The following STOML3 variants were observed in gnomAD, a reference collection of about 807,000 sequenced individuals.
STOML3 encodes stomatin like 3, also known as stomatin-like protein 3.
STOML3 carries 31 observed loss-of-function variants against 29.5 expected under a neutral mutation model. That is an observed-to-expected ratio of 1.05 (90% CI 0.79 to 1.42). The LOEUF (loss-of-function observed/expected upper bound fraction) is 1.42. Ranked by LOEUF, STOML3 falls within the 40% of genes most tolerant of loss-of-function variation. The pLI, the probability that STOML3 is intolerant of heterozygous loss-of-function variation, is 0.00. For synonymous variants in STOML3, 122 were observed against 139.8 expected (o/e 0.87, Z 0.90); for missense variants, 380 against 363.0 (o/e 1.05, Z -0.38).
chr13:38,974,520 G>A (rs1881000722), intron 3 of STOML3, among the ~76,000 whole-genome samples: 1 of 152,098 alleles, frequency 6.6e-6, no homozygotes, highest in African/African-American at 2.4e-5. Context: ...ATATATATAA[G>A]CTGGTAGTGA....
intron 1 of STOML3, among the ~76,000 whole-genome samples, chr13:38,978,829 C>T (rs998544295): frequency 6.6e-6 from 1 of 152,088 alleles, no homozygotes; most frequent in Non-Finnish European, 1.5e-5. Context: ...CTCTTATAAG[C>T]GATGTTTTGA....
At chr13:38,989,003 T>C (rs1054010948) in intron 1 of STOML3, among the ~76,000 whole-genome samples, 2 of 146,546 alleles carry the variant, frequency 1.4e-5, no homozygotes, top group East Asian at 3.9e-4. Context: ...ATATCATACA[T>C]TATATACTAT....
chr13:38,987,399 C>T (rs2138027817), intron 1 of STOML3, among the ~76,000 whole-genome samples: 1 of 152,070 alleles, frequency 6.6e-6, no homozygotes, highest in East Asian at 1.9e-4. Flanking sequence ...TGGCGCATGC[C>T]TGTAGTCCCA....
chr13:38,976,936 T>C (rs754729155), intron 1 of STOML3, 139 bp from the exon 2 acceptor site: 1 of 678,950 alleles, frequency 1.5e-6, no homozygotes, highest in Non-Finnish European at 2.7e-6. Flanking sequence ...ATTTACACCA[T>C]GGATGTAGTC....
Position 38,966,505 on chromosome 13 carries a change from A to C in STOML3, c.*320T>G, listed in dbSNP as rs1002884275. 1 of 202,142 alleles carries C rather than the reference A, an allele frequency of 4.9e-6. No homozygotes were observed. The highest frequency in any genetic ancestry group is 2.3e-5 in the African/African-American group (1 of 43,286). 12.5% of individuals were successfully genotyped at this position (202,142 alleles called of 1,614,324 possible). ...AACAATTAAAAAGTAATTCTGAAAC[A>C]TTAGTCATAGTCACCCAATGATTTC... On this transcript the variant is annotated 3_prime_UTR_variant, in exon 7 of 7. Transcript: ENST00000379631.
At position 38,967,059 on chromosome 13, in the gene STOML3, C is replaced by G; in HGVS notation, c.652-10G>C. ...CTTCAGCTGCAAGGACCTGAAATGA[C>G]AGAAATAAAATCGTTCAGAAATAAA... On this transcript the variant is annotated splice_polypyrimidine_tract_variant and intron_variant, in intron 6 of 6. Transcript: ENST00000379631. The G allele has an allele frequency of 6.2e-7, 1 of 1,610,534 alleles. No homozygotes were observed. The highest frequency in any genetic ancestry group is 8.5e-7 in the Non-Finnish European group (1 of 1,178,202).
At chr13:38,987,462 A>G (rs2138027888) in intron 1 of STOML3, among the ~76,000 whole-genome samples, 1 of 151,974 alleles carries the variant, frequency 6.6e-6, no homozygotes, top group South Asian at 2.1e-4. Context: ...ACTCCACTCT[A>G]GCCTGGGCGA....
At chr13:38,972,045 T>C (rs1004131661) in intron 4 of STOML3, among the ~76,000 whole-genome samples, 1 of 152,184 alleles carries the variant, frequency 6.6e-6, no homozygotes, top group Non-Finnish European at 1.5e-5. Flanking sequence ...AACACAGAAA[T>C]AATTTAAAGT....
intron 4 of STOML3, among the ~76,000 whole-genome samples, chr13:38,970,838 T>C (rs1880837568): frequency 6.6e-6 from 1 of 152,180 alleles, no homozygotes; most frequent in African/African-American, 2.4e-5. Flanking sequence ...AGAGACCATG[T>C]AAAGAAAAAT....
At chr13:38,986,343 C>T (rs903980379) in intron 1 of STOML3, among the ~76,000 whole-genome samples, 10 of 151,894 alleles carry the variant, frequency 6.6e-5, no homozygotes, top group Admixed American at 5.9e-4. Context: ...CCTATATTTA[C>T]CATTTTTAAA....
In STOML3 at chr13:38,966,713, T is replaced by G; in HGVS notation, c.*112A>C. The G allele has an allele frequency of 2.2e-6, 2 of 906,108 alleles. No individual in the cohort carries two copies. Among genetic ancestry groups the G allele is most frequent in the Non-Finnish European group, 3.5e-6 (2 of 576,822 alleles). The allele number at this position is 906,108 out of a possible 1,614,324, so 56.1% of individuals were successfully genotyped here. Reference sequence around the variant, plus strand: ...TTTCCTGCCAATGCTCTTCCATCTATGGAGTTACTGTTACATGAACAGTGT... The same window carrying G: ...TTTCCTGCCAATGCTCTTCCATCTAGGGAGTTACTGTTACATGAACAGTGT... On this transcript the variant is annotated 3_prime_UTR_variant, in exon 7 of 7. Coordinates refer to ENST00000379631, the MANE Select transcript of STOML3 (RefSeq NM_145286.3).
At chr13:38,978,359 G>A (rs912448571) in intron 1 of STOML3, among the ~76,000 whole-genome samples, 3 of 151,916 alleles carry the variant, frequency 2.0e-5, no homozygotes, top group Non-Finnish European at 4.4e-5. Flanking sequence ...TCGCCATGTT[G>A]GCCAGGCTGG....
rs1566211372 is a variant in STOML3 at position 38,988,134 on chromosome 13, TATCA to T, written c.52+2532_52+2535del. On this transcript the variant is annotated intron_variant, in intron 1 of 6. Coordinates refer to ENST00000379631, the MANE Select transcript of STOML3 (RefSeq NM_145286.3). ...CATATATTTTATATATTATATTTTA[TATCA>T]TATATTTTATATCATATATTTTATA... Among the ~76,000 whole-genome samples the T allele has an allele frequency of 2.0e-5, 2 of 98,196 alleles. 1 individual carries two copies. Among genetic ancestry groups the T allele is most frequent in the Non-Finnish European group, 3.5e-5 (2 of 57,884 alleles). 64.4% of individuals were successfully genotyped at this position (98,196 alleles called of 152,430 possible). A position where few individuals can be genotyped will look rare whatever the true frequency, so the allele number is the denominator to read the frequency against.
At chr13:38,988,374 T>A (rs1319763328) in intron 1 of STOML3, among the ~76,000 whole-genome samples, 3 of 92,720 alleles carry the variant, frequency 3.2e-5, no homozygotes, top group African/African-American at 1.1e-4. Context: ...ATATAATATA[T>A]TATATTTTAT....
chr13:38,967,443 A>G (rs1163161402), intron 6 of STOML3, among the ~76,000 whole-genome samples: 2 of 152,174 alleles, frequency 1.3e-5, no homozygotes, highest in Non-Finnish European at 2.9e-5. Context: ...ATTTTTAGTT[A>G]TCTTAGATGT....
chr13:38,976,393 C>G, intron 3 of STOML3, 147 bp downstream of exon 3: 1 of 829,228 alleles, frequency 1.2e-6, no homozygotes, highest in Non-Finnish European at 1.9e-6. Context: ...AGGTGGCATT[C>G]TTCTGTTGTA....
intron 4 of STOML3, among the ~76,000 whole-genome samples, chr13:38,971,403 T>G (rs1294205067): frequency 6.6e-6 from 1 of 152,196 alleles, no homozygotes; most frequent in Non-Finnish European, 1.5e-5. Flanking sequence ...TGAGTCCTGG[T>G]TGAGTTTCCT....
chr13:38,970,463 G>T, intron 4 of STOML3, 75 bp from the exon 5 acceptor site: 1 of 1,271,940 alleles, frequency 7.9e-7, no homozygotes, highest in South Asian at 1.3e-5. Context: ...GCCAGCCCAA[G>T]AGCCATCCTC....
At chr13:38,986,526 T>G (rs1357621973) in intron 1 of STOML3, among the ~76,000 whole-genome samples, 2 of 152,114 alleles carry the variant, frequency 1.3e-5, no homozygotes, top group Non-Finnish European at 2.9e-5. Context: ...CCTTTCTATG[T>G]TCACTTCCAA....
Sources: gnomAD v4.1 joint callset for allele counts (sites outside exome capture counted in the v4.1 genomes callset) on GRCh38, gnomAD v4.1.1 for gene constraint, MANE v1.5 for transcripts, NCBI Gene and HGNC (gene_info 2026-07-23, HGNC 2026-07-21) for gene names.